SINHCAF: variants seen among roughly 807,000 people sequenced by gnomAD.
The protein encoded by SINHCAF is SIN3-HDAC complex associated factor.
In SINHCAF, 3 loss-of-function variants were observed where a neutral mutation model predicts 25.8. That is an observed-to-expected ratio of 0.12 (90% CI 0.05 to 0.30). The LOEUF (loss-of-function observed/expected upper bound fraction) is 0.30. SINHCAF is among the 10% of genes least tolerant of loss of function. SINHCAF has a pLI of 1.00. For synonymous variants in SINHCAF, 70 were observed against 85.5 expected, an observed-to-expected ratio of 0.82 and a Z score of 1.00; for missense variants, 121 against 262.3, an observed-to-expected ratio of 0.46 and a Z score of 3.72.
At chr12:31,311,561 C>G (rs948546507) in intron 1 of SINHCAF, 15 of 277,456 alleles carry the variant, frequency 5.4e-5, no homozygotes, top group Middle Eastern at 2.3e-3. Flanking sequence ...CCACTGGGAC[C>G]GAGCATGAGC....
rs1389749394 is a variant in SINHCAF at position 31,325,092 on chromosome 12, C to T, written c.-21+932G>A. 1 of 456,764 alleles carries T rather than the reference C, an allele frequency of 2.2e-6. No homozygotes were observed. Among genetic ancestry groups the T allele is most frequent in the African/African-American group, 2.0e-5 (1 of 50,218 alleles). The allele number at this position is 456,764 out of a possible 1,614,324, so 28.3% of individuals were successfully genotyped here. On this transcript the variant is annotated intron_variant, in intron 1 of 5. Coordinates refer to ENST00000337682, the MANE Select transcript of SINHCAF (RefSeq NM_001135812.2). This position sits in a 1 kb window ranked among gnomAD's most constrained non-coding sequence, Gnocchi z 5.9. ...AGTGCCCTGCGGAGTTCACTGACTC[C>T]CGCGGCGTACACAACGCCGCCGCCT...
intron 1 of SINHCAF, among the ~76,000 whole-genome samples, chr12:31,315,380 A>T (rs769279603): frequency 6.6e-6 from 1 of 152,218 alleles, no homozygotes. Context: ...AAAATATTTA[A>T]CAAACTCCAG....
chr12:31,302,953 A>G lies in SINHCAF; in HGVS notation c.-20-4729T>C, dbSNP rs139405231. 2,220 of 985,394 alleles carry G rather than the reference A, an allele frequency of 2.3e-3. 41 individuals are homozygous for G. In the African/African-American group the frequency reaches 0.036, roughly 16 times the overall value. The allele number at this position is 985,394 out of a possible 1,614,324, so 61.0% of individuals were successfully genotyped here. A position where few individuals can be genotyped will look rare whatever the true frequency, so the allele number is the denominator to read the frequency against. On this transcript the variant is annotated intron_variant, in intron 1 of 5. Transcript: ENST00000337682. ...ATGGTTTTATTACCCATATGTCCAA[A>G]CTGCAGCCATCTTGGCTCACTTTTC...
intron 1 of SINHCAF, among the ~76,000 whole-genome samples, chr12:31,319,196 AAAGT>A (rs1939608737): frequency 6.6e-6 from 1 of 152,240 alleles, no homozygotes; most frequent in Non-Finnish European, 1.5e-5. Context: ...AAACCTCAGG[AAAGT>A]TCCTTAACCT....
rs1939953183 is a variant in SINHCAF, at chr12:31,325,803, C to T, written c.-21+221G>A. On this transcript the variant is annotated intron_variant, in intron 1 of 5. Transcript: ENST00000337682. The surrounding 1 kb of genome is among the most constrained non-coding windows in gnomAD (Gnocchi z 5.9). ...TTCGGTTTGCCTCAAATACCCTCCC[C>T]AATTAATAAATACACACTAAACACG... 6.4e-6 allele frequency: 1 copy of T among 155,450 alleles called. No individual in the cohort carries two copies. The highest frequency in any genetic ancestry group is 2.4e-5 in the African/African-American group (1 of 41,448). The allele number at this position is 155,450 out of a possible 1,614,324, so 9.6% of individuals were successfully genotyped here.
In SINHCAF at chr12:31,281,359, CTCTTT is replaced by C. The variant is rs1937782233; in HGVS notation, c.*1348_*1352del. The C allele has an allele frequency of 6.6e-6, 1 of 152,216 alleles. No homozygotes were observed. The highest frequency in any genetic ancestry group is 1.5e-5 in the Non-Finnish European group (1 of 68,034). The allele number at this position is 152,216 out of a possible 1,614,324, so 9.4% of individuals were successfully genotyped here. On this transcript the variant is annotated 3_prime_UTR_variant, in exon 6 of 6. Coordinates refer to ENST00000337682, the MANE Select transcript of SINHCAF (RefSeq NM_001135812.2). ...AAAACCATTTAATGTGAACACAAAC[CTCTTT>C]TCTTTTAGTAAGTTTTACTTTTAAT...
chr12:31,304,961 T>C (rs571791793), intron 1 of SINHCAF: 2 of 152,200 alleles, frequency 1.3e-5, no homozygotes, highest in African/African-American at 2.4e-5. Context: ...ACTCTAAGAA[T>C]GTTTAGACAG....
At chr12:31,307,580 C>A (rs1939088506) in intron 1 of SINHCAF, among the ~76,000 whole-genome samples, 1 of 151,590 alleles carries the variant, frequency 6.6e-6, no homozygotes, top group African/African-American at 2.4e-5. Flanking sequence ...GAGAGAGTGG[C>A]AAGGTTAGGA....
rs891883369 is a variant in SINHCAF at position 31,324,162 on chromosome 12, C to T, written c.-21+1862G>A. ...ACCTCCCTCACCTGCGCCGGAACAACGGGCCCCGCGCCAGCCCGGCCCGGC... is the reference window on the plus strand; with the variant it reads ...ACCTCCCTCACCTGCGCCGGAACAATGGGCCCCGCGCCAGCCCGGCCCGGC... On this transcript the variant is annotated intron_variant, in intron 1 of 5. Coordinates refer to ENST00000337682, the MANE Select transcript of SINHCAF (RefSeq NM_001135812.2). This position sits in a 1 kb window ranked among gnomAD's most constrained non-coding sequence, Gnocchi z 5.5. 2.5e-5 allele frequency: 9 copies of T among 358,460 alleles called. No individual in the cohort carries two copies. Among genetic ancestry groups the T allele is most frequent in the Non-Finnish European group, 4.5e-5 (8 of 177,472 alleles). The allele number at this position is 358,460 out of a possible 1,614,324, so 22.2% of individuals were successfully genotyped here. A position where few individuals can be genotyped will look rare whatever the true frequency, so the allele number is the denominator to read the frequency against.
rs1303104559 is a variant in SINHCAF, at chr12:31,324,878, C to G, written c.-21+1146G>C. ...GCCCGGAGTATCCGCCCCGCACGGG[C>G]GGAGAGTTGGCGACTTTCACTCTGC... On this transcript the variant is annotated intron_variant, in intron 1 of 5. Transcript: ENST00000337682. The surrounding 1 kb of genome is among the most constrained non-coding windows in gnomAD (Gnocchi z 5.5). 4.6e-6 allele frequency: 2 copies of G among 438,146 alleles called. No individual in the cohort carries two copies. The highest frequency in any genetic ancestry group is 4.0e-5 in the African/African-American group (2 of 49,668). The allele number at this position is 438,146 out of a possible 1,614,324, so 27.1% of individuals were successfully genotyped here.
At chr12:31,299,503 AG>A (rs1271031144) in intron 1 of SINHCAF, among the ~76,000 whole-genome samples, 2 of 152,056 alleles carry the variant, frequency 1.3e-5, no homozygotes, top group African/African-American at 4.8e-5. Flanking sequence ...TTTTTAGTAG[AG>A]ACAGGGTTTC....
At chr12:31,313,831 G>A (rs1296657115) in intron 1 of SINHCAF, among the ~76,000 whole-genome samples, 1 of 151,832 alleles carries the variant, frequency 6.6e-6, no homozygotes, top group African/African-American at 2.4e-5. Context: ...TGTATTTTTA[G>A]TAGAGATGGG....
Position 31,312,588 on chromosome 12 carries a change from T to C in SINHCAF, c.-21+13436A>G, listed in dbSNP as rs115305019. On this transcript the variant is annotated intron_variant, in intron 1 of 5. Transcript: ENST00000337682. ...TATCTCAGTGTGGTTTTGATAAGCA[T>C]TTCCCTGATTCCAAATGGGTCCTAG... 2.7e-3 allele frequency among the ~76,000 whole-genome samples: 408 copies of C among 152,340 alleles called. 2 individuals carry two copies. Among genetic ancestry groups the C allele is most frequent in the African/African-American group, 9.2e-3 (382 of 41,568 alleles).
chr12:31,299,092 T>C (rs1419015677), intron 1 of SINHCAF, among the ~76,000 whole-genome samples: 1 of 151,652 alleles, frequency 6.6e-6, no homozygotes, highest in Admixed American at 6.6e-5. Context: ...GCTCTGGGGC[T>C]GGATGCAAAT....
chr12:31,319,684 A>C (rs1234154792), intron 1 of SINHCAF, among the ~76,000 whole-genome samples: 1 of 152,030 alleles, frequency 6.6e-6, no homozygotes, highest in Non-Finnish European at 1.5e-5. Flanking sequence ...CTTACATTTC[A>C]GGTATCATTT....
intron 5 of SINHCAF, 102 bp from the exon 6 acceptor site, chr12:31,282,973 G>T: frequency 1.2e-6 from 1 of 847,810 alleles, no homozygotes; most frequent in Non-Finnish European, 1.7e-6. Context: ...TAACCAAAGA[G>T]TTGTGCTTCT....
intron 1 of SINHCAF, among the ~76,000 whole-genome samples, chr12:31,323,515 T>C (rs1044540460): frequency 6.6e-6 from 1 of 152,220 alleles, no homozygotes; most frequent in Non-Finnish European, 1.5e-5. Flanking sequence ...ATAGGGTCCC[T>C]GTTTAACTCA....
rs1937847559 is a variant in SINHCAF at position 31,282,580 on chromosome 12, C to A, written c.*132G>T. ...GAAGTTGCAGTGAGCCAAGATCACG[C>A]CACTGCACTCCAGCCTGGGTAACAA... On this transcript the variant is annotated 3_prime_UTR_variant, in exon 6 of 6. Coordinates refer to ENST00000337682, the MANE Select transcript of SINHCAF (RefSeq NM_001135812.2). 2 of 703,704 alleles carry A rather than the reference C, an allele frequency of 2.8e-6. No homozygotes were observed. Among genetic ancestry groups the A allele is most frequent in the South Asian group, 4.5e-5 (2 of 44,262 alleles). The allele number at this position is 703,704 out of a possible 1,614,324, so 43.6% of individuals were successfully genotyped here. A position where few individuals can be genotyped will look rare whatever the true frequency, so the allele number is the denominator to read the frequency against.
chr12:31,284,683 C>A (rs1041384613), intron 5 of SINHCAF, among the ~76,000 whole-genome samples: 2 of 152,130 alleles, frequency 1.3e-5, no homozygotes, highest in African/African-American at 4.8e-5. Context: ...TTCTTAATAT[C>A]CTAGCAACAC....
Sources: gnomAD v4.1 joint callset for allele counts (sites outside exome capture counted in the v4.1 genomes callset) on GRCh38, gnomAD v4.1.1 for gene constraint, Gnocchi (gnomAD v3.1) non-coding constraint, MANE v1.5 for transcripts, NCBI Gene and HGNC (gene_info 2026-07-23, HGNC 2026-07-21) for gene names.